The following CABIN1 variants were observed in gnomAD, a reference collection of about 807,000 sequenced individuals.
The protein encoded by CABIN1 is calcineurin binding protein 1, also known as calcineurin-binding protein cabin-1.
CABIN1 carries 133 observed loss-of-function variants against 227.7 expected under a neutral mutation model. The ratio of observed to expected loss-of-function variants is 0.58; its 90% CI spans 0.51 to 0.67. The LOEUF is 0.67. Among genes scored for constraint, CABIN1 ranks in the 30% least tolerant of loss-of-function variants. The pLI is 0.00. For missense variants in CABIN1, 2,408 were observed against 2,852.5 expected, an observed-to-expected ratio of 0.84 and a Z score of 3.55; for synonymous variants, 1,086 against 1,155.1, an observed-to-expected ratio of 0.94 and a Z score of 1.21.
intron 5 of CABIN1, among the ~76,000 whole-genome samples, chr22:24,041,787 A>G (rs2037397452): frequency 6.6e-6 from 1 of 152,216 alleles, no homozygotes; most frequent in African/African-American, 2.4e-5. Context: ...TCCTACGCAT[A>G]CACTAATCCT....
intron 29 of CABIN1, among the ~76,000 whole-genome samples, chr22:24,146,712 C>T (rs1357921579): frequency 2.0e-5 from 3 of 152,234 alleles, no homozygotes; most frequent in Non-Finnish European, 4.4e-5. Context: ...GCCTTTAGAC[C>T]ATCGTTCCTG....
intron 24 of CABIN1, among the ~76,000 whole-genome samples, chr22:24,095,632 T>A (rs1602056735): frequency 6.6e-6 from 1 of 152,224 alleles, no homozygotes; most frequent in South Asian, 2.1e-4. Context: ...CGGGAGGCAG[T>A]GCCCAGTGAA....
chr22:24,101,478 C>CT, intron 26 of CABIN1, among the ~76,000 whole-genome samples: 1 of 152,330 alleles, frequency 6.6e-6, no homozygotes, highest in South Asian at 2.1e-4. Flanking sequence ...TCAGGTCACT[C>CT]TGACTCTACC....
At chr22:24,149,271 G>C (rs953232215) in intron 29 of CABIN1, among the ~76,000 whole-genome samples, 3 of 152,236 alleles carry the variant, frequency 2.0e-5, no homozygotes, top group African/African-American at 7.2e-5. Flanking sequence ...GAGCAAGCTG[G>C]TCAGTGTTTG....
chr22:24,101,882 T>TGC (rs2042223395), intron 26 of CABIN1: 1 of 153,060 alleles, frequency 6.5e-6, no homozygotes, highest in South Asian at 2.1e-4. Flanking sequence ...TGTGTGTGTG[T>TGC]GTGCCCGTGT....
intron 29 of CABIN1, among the ~76,000 whole-genome samples, chr22:24,142,780 G>C (rs1676501034): frequency 6.6e-6 from 1 of 152,170 alleles, no homozygotes; most frequent in African/African-American, 2.4e-5. Flanking sequence ...AGGTAAACAA[G>C]CCCCAGGACT....
Position 24,119,473 on chromosome 22 carries a change from G to A in CABIN1, c.4407G>A (p.Lys1469=). The A allele has an allele frequency of 6.2e-7, 1 of 1,614,116 alleles. No individual in the cohort carries two copies. The highest frequency in any genetic ancestry group is 1.3e-5 in the African/African-American group (1 of 75,060). Reference sequence around the variant, plus strand: ...CAGCCTCTGCTTGCATCCCTGGCAAGCCCTCAGCATCCACACCCACCCTGT... The same window carrying A: ...CAGCCTCTGCTTGCATCCCTGGCAAACCCTCAGCATCCACACCCACCCTGT... ...ETPASACIPG[K]PSASTPTLWD... The change falls in exon 28 of 37, where the codon AAG becomes AAA. Residue 1469 remains lysine, a synonymous_variant. Transcript: ENST00000263119.
At chr22:24,098,391 ACCTGC>A (rs2042020805) in intron 26 of CABIN1, 199 bp downstream of exon 26, 2 of 1,199,154 alleles carry the variant, frequency 1.7e-6, no homozygotes, top group Admixed American at 4.2e-5. Context: ...CAGGGTCGCC[ACCTGC>A]CAGCTTGCCC....
At chr22:24,160,056 G>A (rs949080145) in intron 29 of CABIN1, among the ~76,000 whole-genome samples, 1 of 152,156 alleles carries the variant, frequency 6.6e-6, no homozygotes, top group Non-Finnish European at 1.5e-5. Flanking sequence ...TGAGGTGGGC[G>A]AGTCTGGCCC....
At chr22:24,108,652 C>T in intron 26 of CABIN1, among the ~76,000 whole-genome samples, 1 of 152,194 alleles carries the variant, frequency 6.6e-6, no homozygotes. Context: ...AGGGCTATGG[C>T]AGGGATGCCT....
rs774758945 is a variant in CABIN1 at position 24,062,950 on chromosome 22, G to T, written c.1697-9G>T. The stretch of plus-strand genomic sequence containing the variant: ...CATGAAGTTGACTCGTTGGCCTGAT[G>T]GTTTTTAGTGTCTCCTCGGAACTGC... On this transcript the variant is annotated splice_polypyrimidine_tract_variant and intron_variant, in intron 13 of 36. Coordinates refer to ENST00000263119, the MANE Select transcript of CABIN1 (RefSeq NM_012295.4). 6.2e-7 allele frequency: 1 copy of T among 1,613,870 alleles called. No individual in the cohort carries two copies. Among genetic ancestry groups the T allele is most frequent in the South Asian group, 1.1e-5 (1 of 91,068 alleles).
intron 29 of CABIN1, among the ~76,000 whole-genome samples, chr22:24,141,105 G>C (rs2044730339): frequency 6.6e-6 from 1 of 152,250 alleles, no homozygotes; most frequent in Non-Finnish European, 1.5e-5. Context: ...CTTATCTGTG[G>C]ATCCTAGAGG....
intron 28 of CABIN1, among the ~76,000 whole-genome samples, chr22:24,130,109 G>T (rs1278956543): frequency 6.6e-6 from 1 of 152,214 alleles, no homozygotes; most frequent in Non-Finnish European, 1.5e-5. Flanking sequence ...TGTCACAGGA[G>T]GGTCTATGTG....
chr22:24,154,319 C>A (rs1229854938), intron 29 of CABIN1, among the ~76,000 whole-genome samples: 4 of 152,262 alleles, frequency 2.6e-5, no homozygotes, highest in South Asian at 2.1e-4. Flanking sequence ...AAGAGTGGCC[C>A]AACTAGCTCT....
chr22:24,167,378 ATC>A, intron 32 of CABIN1, 65 bp downstream of exon 32: 1 of 1,510,536 alleles, frequency 6.6e-7, no homozygotes, highest in East Asian at 2.3e-5. Context: ...TTGCCTTTCT[ATC>A]CTCAAGGAGG....
At chr22:24,160,978 C>T (rs2046120007) in intron 29 of CABIN1, among the ~76,000 whole-genome samples, 1 of 152,220 alleles carries the variant, frequency 6.6e-6, no homozygotes, top group Non-Finnish European at 1.5e-5. Flanking sequence ...TCTGTGGACC[C>T]CTAGGCTCAC....
At chr22:24,075,384 A>G (rs1470333448) in intron 18 of CABIN1, among the ~76,000 whole-genome samples, 2 of 152,172 alleles carry the variant, frequency 1.3e-5, no homozygotes, top group South Asian at 2.1e-4. Flanking sequence ...GTGGTAAACA[A>G]ATGTGTAACT....
chr22:24,014,075 TC>T (rs1228804558), intron 1 of CABIN1, among the ~76,000 whole-genome samples: 2 of 152,214 alleles, frequency 1.3e-5, no homozygotes. Flanking sequence ...AATTAATAAG[TC>T]TCTTGGGAGA....
intron 28 of CABIN1, 35 bp from the exon 29 acceptor site, chr22:24,134,267 C>A: frequency 6.4e-6 from 10 of 1,555,972 alleles, no homozygotes; most frequent in Non-Finnish European, 8.8e-6. Flanking sequence ...GAGCAGCCCA[C>A]ACACTCACTT....
Sources: gnomAD v4.1 joint callset for allele counts (sites outside exome capture counted in the v4.1 genomes callset) on GRCh38, gnomAD v4.1.1 for gene constraint, MANE v1.5 for transcripts, NCBI Gene and HGNC (gene_info 2026-07-23, HGNC 2026-07-21) for gene names.